Variants in ANK2 observed in about 807,000 individuals in gnomAD.
The protein encoded by ANK2 is ankyrin-2.
A neutral mutation model predicts 360.5 loss-of-function variants in ANK2; 83 were observed. The ratio of observed to expected loss-of-function variants is 0.23; its 90% CI spans 0.19 to 0.28. The LOEUF is 0.28. Ranked by LOEUF, ANK2 falls within the 10% of genes least tolerant of loss-of-function variation. The pLI is 1.00. For missense variants in ANK2, 4,201 were observed against 4,795.7 expected, an observed-to-expected ratio of 0.88 and a Z score of 3.66; for synonymous variants, 1,740 against 1,759.5, an observed-to-expected ratio of 0.99 and a Z score of 0.28.
intron 24 of ANK2, among the ~76,000 whole-genome samples, chr4:113,314,656 A>G (rs2081828696): frequency 6.6e-6 from 1 of 152,204 alleles, no homozygotes; most frequent in Admixed American, 6.5e-5. Context: ...AAGGGCTTAA[A>G]TTATTCCAGA....
In ANK2 at chr4:112,950,626, A is replaced by G. The variant is rs866577648; in HGVS notation, c.21+46112A>G. 7.1e-4 allele frequency among the ~76,000 whole-genome samples: 106 copies of G among 150,056 alleles called. No homozygotes were observed. The Middle Eastern group carries it at 0.014, about 19-fold the overall frequency. ...GCCACTGCACTCCAGCCTGGGTGAC[A>G]GAGCGAGACTCTGTCTCAAAAAGAA... On this transcript the variant is annotated intron_variant, in intron 2 of 30. Transcript: ENST00000503271.
At chr4:112,785,331 A>C in the ANK2 span, among the ~76,000 whole-genome samples, 3 of 152,002 alleles carry the variant, frequency 2.0e-5, no homozygotes, top group Non-Finnish European at 2.9e-5. Flanking sequence ...TCTTGGCAGT[A>C]GTGGCTTTTT....
At chr4:113,153,063 A>G (rs1473097424) in intron 1 of ANK2, among the ~76,000 whole-genome samples, 1 of 152,072 alleles carries the variant, frequency 6.6e-6, no homozygotes, top group East Asian at 1.9e-4. Flanking sequence ...AGTGTTGCTG[A>G]CATACAGTTT....
chr4:113,343,862 C>T (rs1301884366), intron 34 of ANK2, among the ~76,000 whole-genome samples: 9 of 152,152 alleles, frequency 5.9e-5, no homozygotes, highest in Non-Finnish European at 1.3e-4. Context: ...TCCAGAGGTC[C>T]TAACGCTCAA....
the ANK2 span, among the ~76,000 whole-genome samples, chr4:112,740,705 AAAG>A: frequency 6.6e-6 from 1 of 151,910 alleles, no homozygotes; most frequent in Non-Finnish European, 1.5e-5. Flanking sequence ...CCATCTCAAA[AAAG>A]AAGAAAAAAA....
At chr4:113,337,165 A>G (rs897590366) in intron 31 of ANK2, among the ~76,000 whole-genome samples, 1 of 152,246 alleles carries the variant, frequency 6.6e-6, no homozygotes, top group Non-Finnish European at 1.5e-5. Flanking sequence ...TCAAGCCTTC[A>G]TTGAAGAGAT....
intron 17 of ANK2, 23 bp downstream of exon 17, chr4:113,278,581 TAC>T: frequency 1.9e-6 from 3 of 1,606,700 alleles, no homozygotes; most frequent in Non-Finnish European, 2.6e-6. Context: ...GAAAAGGATT[TAC>T]AGGCATAGGG....
At chr4:112,950,853 C>T (rs1391566743) in intron 2 of ANK2, among the ~76,000 whole-genome samples, 1 of 150,120 alleles carries the variant, frequency 6.7e-6, no homozygotes, top group Non-Finnish European at 1.5e-5. Flanking sequence ...GAGGCCGAAG[C>T]GGGCGGATCA....
Position 113,357,081 on chromosome 4 carries a change from C to A in ANK2, c.8463C>A (p.Asp2821Glu), listed in dbSNP as rs780668435. 6.9e-5 allele frequency: 111 copies of A among 1,614,044 alleles called. No homozygotes were observed. The highest frequency in any genetic ancestry group is 8.9e-5 in the Non-Finnish European group (105 of 1,179,960). Residue 2821 changes from aspartate to glutamate, a missense_variant, in exon 38 of 46, where the codon GAC becomes GAA. Around this residue, in one of 4 missense-constraint regions of ANK2, gnomAD observed 2,642 missense variants for 2,714.5 expected, o/e 0.97. Transcript: ENST00000357077. Reference sequence around the variant, plus strand: ...CTCTCCAAGGCACTCATGAAAAAGACACAGAGGGAGAAGAGCTTGATGTTT... The same window carrying A: ...CTCTCCAAGGCACTCATGAAAAAGAAACAGAGGGAGAAGAGCTTGATGTTT... ...SLALQGTHEK[D>E]TEGEELDVSR...
intron 10 of ANK2, among the ~76,000 whole-genome samples, chr4:113,251,088 T>C (rs960546410): frequency 6.6e-5 from 10 of 152,192 alleles, no homozygotes; most frequent in Non-Finnish European, 2.9e-5. Context: ...GAGATAATTA[T>C]GTAAAGTTTT....
intron 2 of ANK2, among the ~76,000 whole-genome samples, chr4:113,031,087 T>C (rs1438194319): frequency 2.0e-5 from 3 of 152,058 alleles, no homozygotes; most frequent in African/African-American, 7.2e-5. Flanking sequence ...AGATATTTGC[T>C]TGCTTGAAAA....
chr4:113,247,999 C>G (rs1483232763), intron 9 of ANK2, among the ~76,000 whole-genome samples: 2 of 152,230 alleles, frequency 1.3e-5, no homozygotes, highest in African/African-American at 4.8e-5. Context: ...AGGCTCCTAT[C>G]TGGCAAATTT....
chr4:113,351,987 C>T (rs1324947044), intron 37 of ANK2, among the ~76,000 whole-genome samples: 2 of 152,170 alleles, frequency 1.3e-5, no homozygotes, highest in African/African-American at 4.8e-5. Flanking sequence ...TGGGTGTAAG[C>T]CCCCACAACC....
chr4:113,159,200 C>G (rs1271568934), intron 1 of ANK2, among the ~76,000 whole-genome samples: 1 of 148,538 alleles, frequency 6.7e-6, no homozygotes, highest in African/African-American at 2.5e-5. Context: ...TCCACACACA[C>G]ACACACACAC....
chr4:113,230,532 T>G (rs569611535), intron 4 of ANK2, among the ~76,000 whole-genome samples: 37 of 152,262 alleles, frequency 2.4e-4, no homozygotes, highest in African/African-American at 8.4e-4. Context: ...AAAAAATGTT[T>G]TCTCCTCTTT....
rs1268936710 is a variant in ANK2 at position 113,369,553 on chromosome 4, G to C, written c.11358G>C (p.Lys3786Asn). Residue 3786 changes from lysine (K) to asparagine (N), a missense_variant, in exon 43 of 46, where the codon AAG (lysine) becomes AAC (asparagine). Physicochemically the swap from Lys to Asn is moderately conservative, Grantham distance 94. This residue lies in a region of ANK2 where 2,642 missense variants were observed against 2,714.5 expected (regional missense o/e 0.97). Coordinates refer to ENST00000357077, the MANE Select transcript of ANK2 (RefSeq NM_001148.6). ...TPGTETSETQ[K>N]AMIVPSSPSK... ...GAACAGAAACATCAGAGACTCAGAA[G>C]GCTATGATAGTACCCAGCTCTCCCA... 6.2e-7 allele frequency: 1 copy of C among 1,614,054 alleles called. No individual in the cohort carries two copies. The highest frequency in any genetic ancestry group is 2.2e-5 in the East Asian group (1 of 44,894).
chr4:113,289,981 A>G (rs1422096455), intron 20 of ANK2, among the ~76,000 whole-genome samples: 3 of 152,210 alleles, frequency 2.0e-5, no homozygotes, highest in African/African-American at 7.2e-5. Context: ...GCAACAGTAC[A>G]GTGAGATGTT....
intron 4 of ANK2, among the ~76,000 whole-genome samples, chr4:113,216,051 C>T (rs904971948): frequency 2.0e-5 from 3 of 152,290 alleles, no homozygotes; most frequent in Admixed American, 2.0e-4. Flanking sequence ...AATCGGGCTA[C>T]TCTGTCATCA....
Position 113,171,579 on chromosome 4 carries a change from C to A in ANK2, c.85-2837C>A, listed in dbSNP as rs113049194. On this transcript the variant is annotated intron_variant, in intron 1 of 45. Coordinates refer to ENST00000357077, the MANE Select transcript of ANK2 (RefSeq NM_001148.6). ...GGGGTTCTAGAAGAATTCAACTTAC[C>A]CAAAAGTCTCCTATGACTCAACTGC... Among the ~76,000 whole-genome samples, 407 of 152,166 alleles carry A rather than the reference C, an allele frequency of 2.7e-3. 1 individual carries two copies. Among genetic ancestry groups the A allele is most frequent in the African/African-American group, 9.5e-3 (394 of 41,504 alleles).
Sources: allele counts gnomAD v4.1 joint callset (sites outside exome capture counted in the v4.1 genomes callset), GRCh38; gene constraint gnomAD v4.1.1; regional missense constraint gnomAD v4.1.1; transcripts MANE v1.5; gene names NCBI Gene and HGNC (gene_info 2026-07-23, HGNC 2026-07-21).